Variants in FGD5 observed in about 807,000 individuals in gnomAD.
FGD5 encodes FYVE, RhoGEF and PH domain containing 5, also known as FYVE, RhoGEF and PH domain-containing protein 5.
A neutral mutation model predicts 133.4 loss-of-function variants in FGD5; 28 were observed. The ratio of observed to expected loss-of-function variants is 0.21; its 90% confidence interval spans 0.16 to 0.29. The LOEUF (loss-of-function observed/expected upper bound fraction) is 0.29. Ranked by LOEUF, FGD5 falls within the 10% of genes least tolerant of loss-of-function variation. The pLI, the probability that FGD5 is intolerant of heterozygous loss-of-function variation, is 1.00. For synonymous variants in FGD5, 810 were observed against 776.5 expected (o/e 1.04, Z -0.72); for missense variants, 1,858 against 1,895.2 (o/e 0.98, Z 0.36).
rs1454819330 is a variant in FGD5 at position 14,933,292 on chromosome 3, T to C, written c.*125T>C. The C allele has an allele frequency of 3.5e-5, 38 of 1,083,810 alleles. No individual in the cohort carries two copies. Among genetic ancestry groups the C allele is most frequent in the Non-Finnish European group, 5.0e-5 (36 of 724,276 alleles). The allele number at this position is 1,083,810 out of a possible 1,614,324, so 67.1% of individuals were successfully genotyped here. A position where few individuals can be genotyped will look rare whatever the true frequency, so the allele number is the denominator to read the frequency against. On this transcript the variant is annotated 3_prime_UTR_variant, in exon 20 of 20. Coordinates refer to ENST00000285046, the MANE Select transcript of FGD5 (RefSeq NM_152536.4). ...ATTCAGCAATGAGGCCTGACCTTTT[T>C]TGCTATAACCGCCCCACCACTCCCC...
intron 1 of FGD5, among the ~76,000 whole-genome samples, chr3:14,850,700 G>A (rs1290993194): frequency 3.3e-5 from 5 of 149,734 alleles, no homozygotes; most frequent in African/African-American, 1.2e-4. Flanking sequence ...AACTGGAGTC[G>A]TTGTAGTAAA....
At position 14,922,405 on chromosome 3, in the gene FGD5, C is replaced by T. The variant is rs748750767; in HGVS notation, c.3670-6C>T. ...CCACATTACTCAGCCAATTCTGTTGCTGCAGATACGAGAGAGGCTGGGGGT... is the reference window on the plus strand; with the variant it reads ...CCACATTACTCAGCCAATTCTGTTGTTGCAGATACGAGAGAGGCTGGGGGT... On this transcript the variant is annotated splice_polypyrimidine_tract_variant and splice_region_variant and intron_variant, in intron 14 of 19. Coordinates refer to ENST00000285046, the MANE Select transcript of FGD5 (RefSeq NM_152536.4). This position sits in a 1 kb window ranked among gnomAD's most constrained non-coding sequence, Gnocchi z 4.1. 1.3e-6 allele frequency: 2 copies of T among 1,563,190 alleles called. No individual in the cohort carries two copies. The highest frequency in any genetic ancestry group is 2.4e-5 in the South Asian group (2 of 84,630).
intron 1 of FGD5, among the ~76,000 whole-genome samples, chr3:14,853,033 A>T (rs1436688217): frequency 6.6e-6 from 1 of 151,402 alleles, no homozygotes; most frequent in African/African-American, 2.4e-5. Flanking sequence ...GCCACGACGT[A>T]GCCCAGATGA....
intron 1 of FGD5, among the ~76,000 whole-genome samples, chr3:14,823,163 C>T (rs1451485022): frequency 6.6e-6 from 1 of 152,186 alleles, no homozygotes; most frequent in Non-Finnish European, 1.5e-5. Flanking sequence ...TAATAACAAT[C>T]GGCAGGGGTG....
chr3:14,882,039 G>C (rs1482972163), intron 4 of FGD5, among the ~76,000 whole-genome samples: 2 of 152,208 alleles, frequency 1.3e-5, no homozygotes, highest in African/African-American at 4.8e-5. Context: ...CACTACTCTG[G>C]TCTGGTGCTC....
chr3:14,908,385 G>A (rs867021314), intron 10 of FGD5, among the ~76,000 whole-genome samples: 1 of 152,030 alleles, frequency 6.6e-6, no homozygotes. Flanking sequence ...TGTTTTAGTA[G>A]ACCTTCCGAG....
intron 4 of FGD5, among the ~76,000 whole-genome samples, chr3:14,890,025 T>C (rs193021832): frequency 7.2e-5 from 11 of 152,302 alleles, no homozygotes; most frequent in African/African-American, 2.6e-4. Context: ...AAATCTCATA[T>C]TGTACATTTC....
chr3:14,887,833 C>T (rs1233948212), intron 4 of FGD5, among the ~76,000 whole-genome samples: 1 of 152,042 alleles, frequency 6.6e-6, no homozygotes, highest in Non-Finnish European at 1.5e-5. Context: ...TGCCTGGCAA[C>T]AGGATCAACA....
At chr3:14,858,846 T>C (rs2037340613) in intron 1 of FGD5, among the ~76,000 whole-genome samples, 1 of 152,224 alleles carries the variant, frequency 6.6e-6, no homozygotes, top group Admixed American at 6.5e-5. Flanking sequence ...TGGGAAGAGG[T>C]TAACATGTAT....
upstream of FGD5, among the ~76,000 whole-genome samples, chr3:14,815,723 C>T (rs1023588171): frequency 3.3e-5 from 5 of 152,132 alleles, no homozygotes; most frequent in African/African-American, 1.2e-4. Flanking sequence ...TGCATTTTAC[C>T]CTTCTCTGCT....
rs904289631 is a variant in FGD5 at position 14,933,287 on chromosome 3, C to CT, written c.*126dup. Reference sequence around the variant, plus strand: ...CCTGGATTCAGCAATGAGGCCTGACCTTTTTTGCTATAACCGCCCCACCAC... The same window carrying CT: ...CCTGGATTCAGCAATGAGGCCTGACCTTTTTTTGCTATAACCGCCCCACCAC... On this transcript the variant is annotated 3_prime_UTR_variant, in exon 20 of 20. Coordinates refer to ENST00000285046, the MANE Select transcript of FGD5 (RefSeq NM_152536.4). 7.1e-5 allele frequency: 83 copies of CT among 1,168,090 alleles called. No homozygotes were observed. The Admixed American group carries it at 7.1e-4, about 10-fold the overall frequency. The allele number at this position is 1,168,090 out of a possible 1,614,324, so 72.4% of individuals were successfully genotyped here.
intron 16 of FGD5, 116 bp from the exon 17 acceptor site, chr3:14,923,892 C>T (rs1013581614): frequency 1.6e-6 from 2 of 1,289,524 alleles, no homozygotes; most frequent in Non-Finnish European, 2.1e-6. Flanking sequence ...ACTTTCAGGT[C>T]CCACTTAACC....
chr3:14,826,031 C>T (rs1291776298), intron 1 of FGD5, among the ~76,000 whole-genome samples: 1 of 152,164 alleles, frequency 6.6e-6, no homozygotes, highest in South Asian at 2.1e-4. Context: ...ACTCACTTGT[C>T]CTAAATATCT....
intron 9 of FGD5, among the ~76,000 whole-genome samples, chr3:14,903,154 T>G (rs2038274070): frequency 6.6e-6 from 1 of 152,220 alleles, no homozygotes. Context: ...CTTCCCAGAC[T>G]GAAACTCTCT....
In FGD5 at chr3:14,923,810, G is replaced by T. The variant is rs551767503; in HGVS notation, c.3938-198G>T. 1.1e-3 allele frequency among the ~76,000 whole-genome samples: 160 copies of T among 152,318 alleles called. 1 individual carries two copies. Among genetic ancestry groups the T allele is most frequent in the Admixed American group, 3.1e-3 (48 of 15,306 alleles). On this transcript the variant is annotated intron_variant, in intron 16 of 19. Coordinates refer to ENST00000285046, the MANE Select transcript of FGD5 (RefSeq NM_152536.4). ...GAGGTGAAGGGCTGTCCAGCGCCCT[G>T]GAAAAGCGTCCCCTCCCCAGCCCCC...
chr3:14,847,978 C>T (rs973405238), intron 1 of FGD5, among the ~76,000 whole-genome samples: 9 of 152,180 alleles, frequency 5.9e-5, no homozygotes, highest in African/African-American at 1.7e-4. Context: ...CTGGGAAGGC[C>T]TGAGGTGTGG....
intron 9 of FGD5, among the ~76,000 whole-genome samples, chr3:14,903,701 G>A (rs1467725646): frequency 6.6e-6 from 1 of 152,026 alleles, no homozygotes; most frequent in Non-Finnish European, 1.5e-5. Flanking sequence ...TTTTATGGTT[G>A]CATAGTATTC....
At chr3:14,843,291 CT>C (rs2036960365) in intron 1 of FGD5, among the ~76,000 whole-genome samples, 1 of 152,188 alleles carries the variant, frequency 6.6e-6, no homozygotes, top group African/African-American at 2.4e-5. Flanking sequence ...TGAGAGCCCC[CT>C]GGGTCTCTGC....
chr3:14,830,542 A>C lies in FGD5; in HGVS notation c.2525+8946A>C, dbSNP rs115137965. 2.4e-3 allele frequency among the ~76,000 whole-genome samples: 372 copies of C among 152,334 alleles called. 3 individuals carry two copies. Among genetic ancestry groups the C allele is most frequent in the African/African-American group, 8.3e-3 (343 of 41,572 alleles). On this transcript the variant is annotated intron_variant, in intron 1 of 19. Transcript: ENST00000285046. ...TCACAATGTGGTTTTACCTTCATAAAATCAGGGTTTCTCCCCGTAGGAGGT... is the reference window on the plus strand; with the variant it reads ...TCACAATGTGGTTTTACCTTCATAACATCAGGGTTTCTCCCCGTAGGAGGT...
Sources: gnomAD v4.1 joint callset for allele counts (sites outside exome capture counted in the v4.1 genomes callset) on GRCh38, gnomAD v4.1.1 for gene constraint, Gnocchi (gnomAD v3.1) non-coding constraint, MANE v1.5 for transcripts, NCBI Gene and HGNC (gene_info 2026-07-23, HGNC 2026-07-21) for gene names.